TYK2: variants seen among roughly 807,000 people sequenced by gnomAD.
The protein encoded by TYK2 is tyrosine kinase 2.
Under a neutral mutation model 130.9 loss-of-function variants are expected in TYK2, and 65 were observed. The ratio of observed to expected loss-of-function variants is 0.50; its 90% CI spans 0.41 to 0.61. The LOEUF is 0.61. Ranked by LOEUF, TYK2 falls within the 20% of genes least tolerant of loss-of-function variation. TYK2 has a pLI of 0.00. For missense variants in TYK2, 1,378 were observed against 1,610.7 expected (o/e 0.86, Z 2.47); for synonymous variants, 647 against 658.9 (o/e 0.98, Z 0.28).
Position 10,354,577 on chromosome 19 carries a change from A to G in TYK2, c.2650T>C (p.Ser884Pro). ...AAAACCGTAGGGTCCGACGCCGGTG[A>G]GTCCGGGTTCACAGTCAAGACGTCA... ...LADVLTVNPD[S>P]PASDPTVFHK... The change falls in exon 19 of 25, where the codon TCA becomes CCA. Residue 884 changes from serine to proline, a missense_variant. Physicochemically the swap from Ser to Pro is moderately conservative, Grantham distance 74. Transcript: ENST00000525621. The G allele has an allele frequency of 6.2e-7, 1 of 1,614,004 alleles. No homozygotes were observed. Among genetic ancestry groups the G allele is most frequent in the Non-Finnish European group, 8.5e-7 (1 of 1,180,014 alleles).
At chr19:10,359,057 C>T in intron 15 of TYK2, 118 bp downstream of exon 15, 6 of 1,387,212 alleles carry the variant, frequency 4.3e-6, no homozygotes, top group Non-Finnish European at 5.9e-6. Context: ...GGCGAAACTC[C>T]ACCTAAAACA....
chr19:10,357,443 A>T (rs749793799), intron 17 of TYK2: 6 of 693,990 alleles, frequency 8.6e-6, no homozygotes. Context: ...GTCTGACCCC[A>T]CTGCTGGGTG....
At position 10,361,408 on chromosome 19, in the gene TYK2, CATAGG is replaced by C; in HGVS notation, c.2047+98_2047+102del. On this transcript the variant is annotated intron_variant, in intron 14 of 24. Coordinates refer to ENST00000525621, the MANE Select transcript of TYK2 (RefSeq NM_003331.5). The surrounding 1 kb of genome is among the most constrained non-coding windows in gnomAD (Gnocchi z 4.0). ...GTACAGGTGAGAGTTGAGAAATAGG[CATAGG>C]TTGGGGTGTAGGTCGAGGGTTGGGG... 2 of 1,131,108 alleles carry C rather than the reference CATAGG, an allele frequency of 1.8e-6. No individual in the cohort carries two copies. The highest frequency in any genetic ancestry group is 2.6e-6 in the Non-Finnish European group (2 of 777,618). The allele number at this position is 1,131,108 out of a possible 1,614,324, so 70.1% of individuals were successfully genotyped here.
rs749363410 is a variant in TYK2, at chr19:10,361,533, G to A, written c.2025C>T (p.Gly675=). 4.5e-6 allele frequency: 7 copies of A among 1,546,690 alleles called. No homozygotes were observed. The East Asian group carries it at 7.3e-5, about 16-fold the overall frequency. ...CACTTTCAGGGCCGCGCACACAGAC[G>A]CCATGCACGAAGGCCAGGTGCGTGT... is the stretch of plus-strand genomic sequence containing the variant. The part of the protein sequence containing the change: ...VSHTHLAFVH[G]VCVRGPENIM... The change falls in exon 14 of 25, where the codon GGC becomes GGT. Residue 675 remains glycine (G), a synonymous_variant. Transcript: ENST00000525621. This position sits in a 1 kb window ranked among gnomAD's most constrained non-coding sequence, Gnocchi z 4.0.
In TYK2 at chr19:10,353,449, G is replaced by A. The variant is rs1245144685; in HGVS notation, c.3027+79C>T. 17 of 1,017,338 alleles carry A rather than the reference G, an allele frequency of 1.7e-5. No individual in the cohort carries two copies. The highest frequency in any genetic ancestry group is 2.4e-5 in the Non-Finnish European group (17 of 719,162). 63.0% of individuals were successfully genotyped at this position (1,017,338 alleles called of 1,614,324 possible). ...CGAGCAGGGGCGGAGCGTGAGAGCA[G>A]ACTGCACCGGATCGCTCAGGCCAGC... is the stretch of plus-strand genomic sequence containing the variant. On this transcript the variant is annotated intron_variant, in intron 21 of 24. Coordinates refer to ENST00000525621, the MANE Select transcript of TYK2 (RefSeq NM_003331.5). This position sits in a 1 kb window ranked among gnomAD's most constrained non-coding sequence, Gnocchi z 6.9.
Position 10,364,828 on chromosome 19 carries a change from C to G in TYK2, c.1209+23G>C, listed in dbSNP as rs1369161430. On this transcript the variant is annotated intron_variant, in intron 8 of 24. Transcript: ENST00000525621. The surrounding 1 kb of genome is among the most constrained non-coding windows in gnomAD (Gnocchi z 4.9). ...CTCCCAGGCCATGATGGGCCCTAGC[C>G]CAGCCCCTACCCTGGGCCTCACCAG... 1.2e-6 allele frequency: 2 copies of G among 1,613,862 alleles called. No homozygotes were observed. The highest frequency in any genetic ancestry group is 1.7e-6 in the Non-Finnish European group (2 of 1,180,052).
intron 3 of TYK2, among the ~76,000 whole-genome samples, chr19:10,373,139 C>A (rs571087385): frequency 2.7e-5 from 4 of 147,180 alleles, no homozygotes; most frequent in Admixed American, 1.4e-4. Context: ...TGGGTTCAAG[C>A]GATTCTCCTG....
Position 10,358,019 on chromosome 19 carries a change from G to A in TYK2, c.2295C>T (p.Gly765=), listed in dbSNP as rs914487132. The change falls in exon 16 of 25, where the codon GGC becomes GGT. Residue 765 remains glycine (G), a synonymous_variant. Coordinates refer to ENST00000525621, the MANE Select transcript of TYK2 (RefSeq NM_003331.5). ...GGTACTCACCCTCCCTGGAGAGGGCGCCCAGGCCCACGCCAGGATCACTCA... is the reference window on the plus strand; with the variant it reads ...GGTACTCACCCTCCCTGGAGAGGGCACCCAGGCCCACGCCAGGATCACTCA... ...IKLSDPGVGL[G]ALSREERVER... The A allele has an allele frequency of 2.5e-6, 4 of 1,613,460 alleles. No individual in the cohort carries two copies. The highest frequency in any genetic ancestry group is 1.7e-5 in the Admixed American group (1 of 60,020).
At chr19:10,373,588 C>T (rs889280974) in intron 3 of TYK2, among the ~76,000 whole-genome samples, 7 of 152,178 alleles carry the variant, frequency 4.6e-5, no homozygotes, top group Non-Finnish European at 1.0e-4. Flanking sequence ...GCCTCAGCCT[C>T]CCAAAGTGCT....
intron 3 of TYK2, among the ~76,000 whole-genome samples, chr19:10,372,476 A>ATT (rs1568343170): frequency 3.5e-4 from 22 of 63,686 alleles, no homozygotes; most frequent in Non-Finnish European, 3.6e-4. Context: ...ATATATATAT[A>ATT]TATATATATT....
At chr19:10,374,882 C>CAA (rs769628463) in intron 3 of TYK2, among the ~76,000 whole-genome samples, 6 of 118,796 alleles carry the variant, frequency 5.1e-5, no homozygotes, top group Admixed American at 8.8e-5. Flanking sequence ...GACTTCGTTT[C>CAA]AAAAAAAAAA....
chr19:10,376,227 G>A (rs1156529766), intron 3 of TYK2, among the ~76,000 whole-genome samples: 4 of 130,488 alleles, frequency 3.1e-5, no homozygotes, highest in Non-Finnish European at 5.0e-5. Flanking sequence ...TGGCCAGGCT[G>A]GTCTTGAACT....
chr19:10,379,284 G>A (rs995933867), intron 2 of TYK2, among the ~76,000 whole-genome samples: 3 of 151,814 alleles, frequency 2.0e-5, no homozygotes, highest in East Asian at 1.9e-4. Flanking sequence ...AGCAGTGATC[G>A]CACCACTGCA....
Position 10,362,611 on chromosome 19 carries a change from G to T in TYK2, c.1414C>A (p.Leu472Ile), listed in dbSNP as rs756660036. 2 of 1,552,976 alleles carry T rather than the reference G, an allele frequency of 1.3e-6. No homozygotes were observed. The highest frequency in any genetic ancestry group is 1.7e-6 in the Non-Finnish European group (2 of 1,147,690). ...GGGTGGCTGGTGCTCCAGTGAATGA[G>T]GTACAGGCCGTCCTCGGGCCGCAGC... Reference protein sequence around the residue: ...AKLRPEDGLYLIHWSTSHPYR... With the variant: ...AKLRPEDGLYIIHWSTSHPYR... Residue 472 changes from leucine (L) to isoleucine (I), a missense_variant, in exon 10 of 25, where the codon CTC becomes ATC. Leu to Ile is a conservative substitution (Grantham distance 5, BLOSUM62 2). Transcript: ENST00000525621.
At chr19:10,367,285 G>A (rs1407256274) in intron 5 of TYK2, among the ~76,000 whole-genome samples, 1 of 151,960 alleles carries the variant, frequency 6.6e-6, no homozygotes, top group East Asian at 1.9e-4. Context: ...TCAATCTTGT[G>A]CCTGTGGCAG....
intron 15 of TYK2, among the ~76,000 whole-genome samples, chr19:10,358,368 A>T (rs1256678360): frequency 6.9e-6 from 1 of 144,806 alleles, no homozygotes; most frequent in Non-Finnish European, 1.5e-5. Context: ...TGGCACGAAC[A>T]TAGCTCACTG....
chr19:10,374,042 G>A (rs971136085), intron 3 of TYK2, among the ~76,000 whole-genome samples: 5 of 152,034 alleles, frequency 3.3e-5, no homozygotes, highest in African/African-American at 4.8e-5. Flanking sequence ...TGAGGTGGGC[G>A]GATCACGAGG....
At position 10,352,515 on chromosome 19, in the gene TYK2, G is replaced by A; in HGVS notation, c.3237C>T (p.Tyr1079=). 6.3e-7 allele frequency: 1 copy of A among 1,595,562 alleles called. No homozygotes were observed. Among genetic ancestry groups the A allele is most frequent in the Non-Finnish European group, 8.6e-7 (1 of 1,169,120 alleles). ...CGAAGGACCAGACATCTGACGCATA[G>A]TAGAACTTATACTCCTTCAGGCACT... ...APECLKEYKF[Y]YASDVWSFGV... Residue 1079 remains tyrosine, a synonymous_variant, in exon 23 of 25, where the codon TAC becomes TAT. Transcript: ENST00000525621.
intron 3 of TYK2, chr19:10,369,947 G>A (rs1055710291): frequency 1.4e-4 from 45 of 331,476 alleles, no homozygotes; most frequent in African/African-American, 9.8e-4. Context: ...GGGAGGCTGA[G>A]GCAAGAGAAT....
Sources: gnomAD v4.1 joint callset for allele counts (sites outside exome capture counted in the v4.1 genomes callset) on GRCh38, gnomAD v4.1.1 for gene constraint, Gnocchi (gnomAD v3.1) non-coding constraint, MANE v1.5 for transcripts, NCBI Gene and HGNC (gene_info 2026-07-23, HGNC 2026-07-21) for gene names.